The following PALS2 variants were observed in gnomAD, a reference collection of about 807,000 sequenced individuals.
The protein encoded by PALS2 is protein associated with LIN7 2, MAGUK p55 family member.
PALS2 carries 27 observed loss-of-function variants against 61.6 expected under a neutral mutation model. The ratio of observed to expected loss-of-function variants is 0.44; its 90% confidence interval spans 0.32 to 0.60. The LOEUF is 0.60. Ranked by LOEUF, PALS2 falls within the 20% of genes least tolerant of loss-of-function variation. PALS2 has a pLI of 0.05. For missense variants in PALS2, 554 were observed against 639.4 expected (o/e 0.87, Z 1.44); for synonymous variants, 236 against 218.6 (o/e 1.08, Z -0.70).
At chr7:24,616,875 A>G (rs117080429) in intron 1 of PALS2, among the ~76,000 whole-genome samples, 5,917 of 152,216 alleles carry the variant, frequency 0.039, 156 homozygotes, top group Non-Finnish European at 0.058. Flanking sequence ...CAGTTTGAGT[A>G]TAATGTGCCC....
chr7:24,636,831 A>G (rs1248541864), intron 2 of PALS2, among the ~76,000 whole-genome samples: 1 of 152,106 alleles, frequency 6.6e-6, no homozygotes, highest in Non-Finnish European at 1.5e-5. Context: ...TGTCTTGAAT[A>G]TGATTTGTGT....
At chr7:24,590,000 T>C (rs1427200760) in intron 1 of PALS2, among the ~76,000 whole-genome samples, 8 of 152,168 alleles carry the variant, frequency 5.3e-5, no homozygotes, top group Non-Finnish European at 4.4e-5. Context: ...CAATCAAAAA[T>C]GGCCTAGTAC....
intron 1 of PALS2, among the ~76,000 whole-genome samples, chr7:24,605,514 T>C (rs899354008): frequency 6.6e-6 from 1 of 152,204 alleles, no homozygotes; most frequent in Non-Finnish European, 1.5e-5. Context: ...TTTAGATATT[T>C]ATATAAGTAT....
rs1788282210 is a variant in PALS2 at position 24,687,748 on chromosome 7, A to G, written c.*134A>G. The G allele has an allele frequency of 5.2e-6, 4 of 775,810 alleles. No individual in the cohort carries two copies. Among genetic ancestry groups the G allele is most frequent in the East Asian group, 6.0e-5 (2 of 33,192 alleles). The allele number at this position is 775,810 out of a possible 1,614,324, so 48.1% of individuals were successfully genotyped here. ...AGGCATTTTTATGGTGTAGATTGAAATAATAGTACACTTCTGAATTTTTAT... is the reference window on the plus strand; with the variant it reads ...AGGCATTTTTATGGTGTAGATTGAAGTAATAGTACACTTCTGAATTTTTAT... On this transcript the variant is annotated 3_prime_UTR_variant, in exon 12 of 12. Transcript: ENST00000222644. This position sits in a 1 kb window ranked among gnomAD's most constrained non-coding sequence, Gnocchi z 4.5.
intron 9 of PALS2, among the ~76,000 whole-genome samples, chr7:24,672,196 C>CTGTTT (rs57538997): frequency 0.12 from 18,044 of 145,108 alleles, 1,489 homozygotes; most frequent in East Asian, 0.45. Flanking sequence ...CTACTGCCAT[C>CTGTTT]TGTTTTGTTT....
chr7:24,622,519 TTTGTA>T (rs1321483458), intron 1 of PALS2, among the ~76,000 whole-genome samples: 1 of 151,942 alleles, frequency 6.6e-6, no homozygotes, highest in East Asian at 1.9e-4. Flanking sequence ...TATTGGTTGT[TTTGTA>T]TTAATCTTGT....
At chr7:24,674,862 G>A (rs1476026617) in intron 9 of PALS2, among the ~76,000 whole-genome samples, 1 of 148,168 alleles carries the variant, frequency 6.7e-6, no homozygotes, top group Non-Finnish European at 1.5e-5. Context: ...TTGACATCTT[G>A]AGCTTAGTTA....
chr7:24,582,930 C>A (rs1415136993), intron 1 of PALS2, among the ~76,000 whole-genome samples: 1 of 109,914 alleles, frequency 9.1e-6, no homozygotes, highest in Non-Finnish European at 1.7e-5. Flanking sequence ...CTTGCTCTGT[C>A]ACCCAGGCTG....
intron 9 of PALS2, among the ~76,000 whole-genome samples, chr7:24,670,389 A>C (rs1787236791): frequency 6.6e-6 from 1 of 151,412 alleles, no homozygotes; most frequent in Non-Finnish European, 1.5e-5. Context: ...TTTCTGCTTC[A>C]ATGAGGACTA....
intron 1 of PALS2, chr7:24,597,291 GAGAT>G (rs893353669): frequency 2.0e-5 from 3 of 152,148 alleles, no homozygotes; most frequent in Non-Finnish European, 4.4e-5. Context: ...GAAAACCTGA[GAGAT>G]AGCATCAGCA....
chr7:24,585,336 C>T (rs1027543275), intron 1 of PALS2, among the ~76,000 whole-genome samples: 1 of 152,028 alleles, frequency 6.6e-6, no homozygotes, highest in Non-Finnish European at 1.5e-5. Context: ...TCTTTTATTT[C>T]GTTGAGCAGT....
chr7:24,580,590 T>C (rs936309065), intron 1 of PALS2, among the ~76,000 whole-genome samples: 1 of 152,206 alleles, frequency 6.6e-6, no homozygotes, highest in African/African-American at 2.4e-5. Context: ...TCAGGCATGG[T>C]TCTCCAAGGA....
Position 24,582,883 on chromosome 7 carries a change from C to CTTTT in PALS2, c.-3+9313_-3+9316dup, listed in dbSNP as rs757869072. Among the ~76,000 whole-genome samples the CTTTT allele has an allele frequency of 1.1e-3, 61 of 57,476 alleles. 10 individuals are homozygous for CTTTT. The highest frequency in any genetic ancestry group is 3.4e-3 in the African/African-American group (48 of 14,274). The allele number at this position is 57,476 out of a possible 152,430, so 37.7% of individuals were successfully genotyped here. On this transcript the variant is annotated intron_variant, in intron 1 of 11. Coordinates refer to ENST00000222644, the MANE Select transcript of PALS2 (RefSeq NM_001303037.2). ...GCTTATTTTTGAAATGATAGTCATG[C>CTTTT]TTTTTTTTTTTTTTTTTTTTTTTTT...
chr7:24,621,458 TGATTTTGTTTTTAAAAATTGA>T (rs1329609975), intron 1 of PALS2, among the ~76,000 whole-genome samples: 1 of 152,106 alleles, frequency 6.6e-6, no homozygotes, highest in Admixed American at 6.6e-5. Flanking sequence ...AAAACACTAT[TGATTTTGTTTTTAAAAATTGA>T]GAGTCTGAAG....
chr7:24,619,731 A>G (rs76914447), intron 1 of PALS2, among the ~76,000 whole-genome samples: 1 of 151,558 alleles, frequency 6.6e-6, no homozygotes, highest in Admixed American at 6.6e-5. Flanking sequence ...AAAAAAAAAA[A>G]AAAAGAAAGA....
At chr7:24,593,271 C>T (rs907538756) in intron 1 of PALS2, among the ~76,000 whole-genome samples, 1 of 152,074 alleles carries the variant, frequency 6.6e-6, no homozygotes, top group Non-Finnish European at 1.5e-5. Context: ...TTCTAATTCT[C>T]ATTCCCTTAC....
chr7:24,662,778 AAAAAAAAAAAAAAAAAAAG>A lies in PALS2; in HGVS notation c.652-808_652-790del, dbSNP rs955377721. Among the ~76,000 whole-genome samples the A allele has an allele frequency of 4.2e-4, 22 of 52,958 alleles. No individual in the cohort carries two copies. In the African/African-American group the frequency reaches 5.5e-3, roughly 13 times the overall value. The allele number at this position is 52,958 out of a possible 152,430, so 34.7% of individuals were successfully genotyped here. A position where few individuals can be genotyped will look rare whatever the true frequency, so the allele number is the denominator to read the frequency against. On this transcript the variant is annotated intron_variant, in intron 5 of 11. Coordinates refer to ENST00000222644, the MANE Select transcript of PALS2 (RefSeq NM_001303037.2). Reference sequence around the variant, plus strand: ...AGTGAGACTCCATCTGAAAAAAAAAAAAAAAAAAAAAAAAAAAAGAAAGAAAGAAAGACAGCAATTGGTC... The same window carrying A: ...AGTGAGACTCCATCTGAAAAAAAAAAAAAGAAAGAAAGACAGCAATTGGTC...
chr7:24,653,098 A>G (rs977047321), intron 5 of PALS2, among the ~76,000 whole-genome samples: 8 of 152,200 alleles, frequency 5.3e-5, no homozygotes, highest in African/African-American at 1.9e-4. Flanking sequence ...AAACAATATA[A>G]GAAAATATAT....
intron 5 of PALS2, among the ~76,000 whole-genome samples, chr7:24,656,566 G>T (rs1400847614): frequency 2.0e-5 from 3 of 151,928 alleles, no homozygotes; most frequent in East Asian, 3.9e-4. Context: ...CTGTCACCCA[G>T]GCTGGAGTGC....
Sources: gnomAD v4.1 joint callset for allele counts (sites outside exome capture counted in the v4.1 genomes callset) on GRCh38, gnomAD v4.1.1 for gene constraint, Gnocchi (gnomAD v3.1) non-coding constraint, MANE v1.5 for transcripts, NCBI Gene and HGNC (gene_info 2026-07-23, HGNC 2026-07-21) for gene names.